Variants in SQOR observed in about 807,000 individuals in gnomAD.
SQOR encodes the protein sulfide:quinone oxidoreductase, mitochondrial.
In SQOR, 39 loss-of-function variants were observed where a neutral mutation model predicts 48.6. The ratio of observed to expected loss-of-function variants is 0.80; its 90% confidence interval spans 0.62 to 1.05. The LOEUF is 1.05. Among genes scored for constraint, SQOR ranks in the 50% least tolerant of loss-of-function variants. The pLI is 0.00. For synonymous variants in SQOR, 220 were observed against 206.2 expected, an observed-to-expected ratio of 1.07 and a Z score of -0.57; for missense variants, 561 against 559.9, an observed-to-expected ratio of 1.00 and a Z score of -0.02.
At chr15:45,655,875 C>T (rs1315013056) in intron 1 of SQOR, among the ~76,000 whole-genome samples, 10 of 151,602 alleles carry the variant, frequency 6.6e-5, no homozygotes, top group Admixed American at 2.0e-4. Context: ...TTAGTAGAGA[C>T]GGGATTTCAC....
intron 6 of SQOR, among the ~76,000 whole-genome samples, chr15:45,679,957 C>A (rs1243303675): frequency 1.3e-5 from 2 of 152,172 alleles, no homozygotes; most frequent in African/African-American, 4.8e-5. Flanking sequence ...GTTTGAAAAC[C>A]ACCACACTGA....
At chr15:45,654,826 GGTGTC>G (rs1889565090) in intron 1 of SQOR, among the ~76,000 whole-genome samples, 1 of 152,100 alleles carries the variant, frequency 6.6e-6, no homozygotes, top group South Asian at 2.1e-4. Flanking sequence ...TGGTGGAGGC[GGTGTC>G]TGATTTACAT....
At position 45,685,431 on chromosome 15, in the gene SQOR, C is replaced by T. The variant is rs80273075; in HGVS notation, c.1048+2770C>T. ...GTCTGGCTTTCCGGAGCTCATGTCC[C>T]CTTCTCTGCTTCTCTCTGCCCCAGG... On this transcript the variant is annotated intron_variant, in intron 7 of 9. Coordinates refer to ENST00000260324, the MANE Select transcript of SQOR (RefSeq NM_021199.4). Among the ~76,000 whole-genome samples, 1,038 of 152,268 alleles carry T rather than the reference C, an allele frequency of 6.8e-3. 13 individuals are homozygous for T. Among genetic ancestry groups the T allele is most frequent in the African/African-American group, 0.024 (980 of 41,556 alleles).
At chr15:45,651,348 G>A (rs887939205) in intron 1 of SQOR, among the ~76,000 whole-genome samples, 1 of 152,034 alleles carries the variant, frequency 6.6e-6, no homozygotes, top group African/African-American at 2.4e-5. Flanking sequence ...GCTGGCCCGC[G>A]AGCGTCGCTG....
intron 1 of SQOR, among the ~76,000 whole-genome samples, chr15:45,644,376 G>A (rs1339657459): frequency 2.0e-5 from 3 of 152,184 alleles, no homozygotes; most frequent in Admixed American, 6.5e-5. Context: ...ATGAGCCACC[G>A]CGCCTGGCTT....
intron 1 of SQOR, among the ~76,000 whole-genome samples, chr15:45,643,651 T>A (rs566772195): frequency 2.1e-4 from 32 of 152,228 alleles, no homozygotes; most frequent in Non-Finnish European, 3.4e-4. Flanking sequence ...AAAATTCAGC[T>A]TAGATTATCT....
At chr15:45,653,906 C>T (rs1193270931) in intron 1 of SQOR, among the ~76,000 whole-genome samples, 4 of 151,930 alleles carry the variant, frequency 2.6e-5, no homozygotes, top group East Asian at 3.9e-4. Flanking sequence ...GACGGCAAGG[C>T]GGGCAGATTA....
chr15:45,649,226 T>C (rs557427754), intron 1 of SQOR, among the ~76,000 whole-genome samples: 11 of 152,330 alleles, frequency 7.2e-5, no homozygotes, highest in African/African-American at 2.4e-4. Flanking sequence ...GGTCTGGAAC[T>C]AGGGGCCAGT....
At chr15:45,653,206 A>G (rs901154939) in intron 1 of SQOR, among the ~76,000 whole-genome samples, 5 of 152,178 alleles carry the variant, frequency 3.3e-5, no homozygotes, top group African/African-American at 1.2e-4. Context: ...GAGGCCCCGT[A>G]GTTTAAAGCT....
At chr15:45,679,429 C>A (rs535226765) in intron 6 of SQOR, among the ~76,000 whole-genome samples, 1 of 152,064 alleles carries the variant, frequency 6.6e-6, no homozygotes. Context: ...TTGGGCCGGA[C>A]GTGGTGGCTC....
chr15:45,674,700 G>A (rs922601585), intron 5 of SQOR, among the ~76,000 whole-genome samples: 2 of 152,188 alleles, frequency 1.3e-5, no homozygotes, highest in African/African-American at 4.8e-5. Flanking sequence ...TGGGCAGGAG[G>A]AGACTTTCTC....
chr15:45,667,681 T>C (rs1313154641), intron 3 of SQOR, among the ~76,000 whole-genome samples: 1 of 152,204 alleles, frequency 6.6e-6, no homozygotes. Flanking sequence ...ATAATGAATA[T>C]TATGCTCTAA....
chr15:45,639,039 A>G (rs1323337192), intron 1 of SQOR, among the ~76,000 whole-genome samples: 1 of 152,210 alleles, frequency 6.6e-6, no homozygotes, highest in Non-Finnish European at 1.5e-5. Flanking sequence ...TAGAAAATTA[A>G]TACAACTGGT....
chr15:45,647,862 A>G (rs1304591107), intron 1 of SQOR, among the ~76,000 whole-genome samples: 4 of 152,084 alleles, frequency 2.6e-5, no homozygotes, highest in Admixed American at 2.0e-4. Context: ...GGCTGCAGTG[A>G]GTGGAGATCA....
At chr15:45,676,439 T>C (rs575745171) in intron 6 of SQOR, 129 bp downstream of exon 6, 77 of 981,564 alleles carry the variant, frequency 7.8e-5, no homozygotes, top group Admixed American at 1.6e-4. Context: ...ATGAGCATCT[T>C]AGGGAAGTGT....
At chr15:45,649,867 G>A (rs564866318) in intron 1 of SQOR, among the ~76,000 whole-genome samples, 1 of 151,880 alleles carries the variant, frequency 6.6e-6, no homozygotes, top group East Asian at 1.9e-4. Flanking sequence ...TTTTGTGTGT[G>A]TTTTTTTGAG....
upstream of SQOR, among the ~76,000 whole-genome samples, chr15:45,634,506 T>C (rs971931880): frequency 7.2e-5 from 11 of 152,166 alleles, no homozygotes; most frequent in African/African-American, 2.6e-4. Context: ...AGCTTACCCC[T>C]GCCTGCGCGT....
chr15:45,650,489 G>A (rs1273684250), intron 1 of SQOR, among the ~76,000 whole-genome samples: 2 of 152,152 alleles, frequency 1.3e-5, no homozygotes, highest in South Asian at 2.1e-4. Context: ...ATGCCAGTGT[G>A]GACTCAAAGA....
At chr15:45,650,995 T>G (rs573416691) in intron 1 of SQOR, among the ~76,000 whole-genome samples, 1 of 152,276 alleles carries the variant, frequency 6.6e-6, no homozygotes, top group South Asian at 2.1e-4. Context: ...TGCCCCCGGG[T>G]CCCGCACCGC....
Sources: allele counts gnomAD v4.1 joint callset (sites outside exome capture counted in the v4.1 genomes callset), GRCh38; gene constraint gnomAD v4.1.1; transcripts MANE v1.5; gene names NCBI Gene and HGNC (gene_info 2026-07-23, HGNC 2026-07-21).